The following GRM1 variants were observed in gnomAD, a reference collection of about 807,000 sequenced individuals.
GRM1 encodes the protein metabotropic glutamate receptor 1.
In GRM1, 33 loss-of-function variants were observed where a neutral mutation model predicts 90.9. The ratio of observed to expected loss-of-function variants is 0.36; its 90% CI spans 0.28 to 0.49. The LOEUF (loss-of-function observed/expected upper bound fraction) is 0.49. Among genes scored for constraint, GRM1 ranks in the 20% least tolerant of loss-of-function variants. GRM1 has a pLI of 0.99. For synonymous variants in GRM1, 700 were observed against 613.2 expected (o/e 1.14, Z -2.09); for missense variants, 1,190 against 1,534.3 (o/e 0.78, Z 3.75).
At chr6:146,061,543 G>A (rs1464828535) in intron 1 of GRM1, among the ~76,000 whole-genome samples, 11 of 152,024 alleles carry the variant, frequency 7.2e-5, no homozygotes, top group Admixed American at 5.9e-4. Context: ...CTACAGAATG[G>A]GAGAAAATTC....
chr6:146,313,405 G>T (rs1783841685), intron 3 of GRM1, among the ~76,000 whole-genome samples: 1 of 152,130 alleles, frequency 6.6e-6, no homozygotes, highest in Non-Finnish European at 1.5e-5. Flanking sequence ...TGTTTTCAAT[G>T]ATTAAAATCT....
At chr6:146,236,447 C>T (rs1455655257) in intron 2 of GRM1, among the ~76,000 whole-genome samples, 1 of 152,040 alleles carries the variant, frequency 6.6e-6, no homozygotes, top group African/African-American at 2.4e-5. Context: ...TTGACATTCC[C>T]CTAGGAGTAC....
rs56956724 is a variant in GRM1, at chr6:146,260,804, G to GT, written c.951-43774dup. On this transcript the variant is annotated intron_variant, in intron 2 of 7. Transcript: ENST00000282753. Reference sequence around the variant, plus strand: ...CCCATTTTTTAATTAGGTTATTTGGGTTTTTTTTTTTTTTTTTTTTTTTTT... The same window carrying GT: ...CCCATTTTTTAATTAGGTTATTTGGGTTTTTTTTTTTTTTTTTTTTTTTTTT... Among the ~76,000 whole-genome samples the GT allele has an allele frequency of 4.2e-3, 95 of 22,744 alleles. 6 individuals are homozygous for GT. The highest frequency in any genetic ancestry group is 0.017 in the East Asian group (12 of 692). The allele number at this position is 22,744 out of a possible 152,430, so 14.9% of individuals were successfully genotyped here.
At chr6:146,351,198 C>G (rs1024088314) in intron 3 of GRM1, among the ~76,000 whole-genome samples, 1 of 152,116 alleles carries the variant, frequency 6.6e-6, no homozygotes, top group Non-Finnish European at 1.5e-5. Flanking sequence ...GTGTGAGGAG[C>G]CCCATGTTGT....
chr6:146,357,671 C>A lies in GRM1; in HGVS notation c.1579C>A (p.Pro527Thr), dbSNP rs569951616. The change falls in exon 5 of 8, where the codon CCT (proline) becomes ACT (threonine). Residue 527 changes from proline to threonine, a missense_variant. Around this residue, in one of 10 missense-constraint regions of GRM1, gnomAD observed 414 missense variants for 598.4 expected, o/e 0.69. Coordinates refer to ENST00000282753, the MANE Select transcript of GRM1 (RefSeq NM_001278064.2). The stretch of plus-strand genomic sequence containing the variant: ...AGTGGTGCGGTCTGTGTGCAGTGAG[C>A]CTTGCTTAAAGGGCCAGATTAAGGT... Reference protein sequence around the residue: ...SGVVRSVCSEPCLKGQIKVIR... With the variant: ...SGVVRSVCSETCLKGQIKVIR... The A allele has an allele frequency of 6.2e-7, 1 of 1,613,894 alleles. No individual in the cohort carries two copies. Among genetic ancestry groups the A allele is most frequent in the Non-Finnish European group, 8.5e-7 (1 of 1,179,856 alleles).
intron 5 of GRM1, among the ~76,000 whole-genome samples, chr6:146,358,266 A>G (rs1292478802): frequency 6.6e-6 from 1 of 152,144 alleles, no homozygotes; most frequent in African/African-American, 2.4e-5. Context: ...TAACTATGAC[A>G]TCAGTATATA....
intron 1 of GRM1, among the ~76,000 whole-genome samples, chr6:146,117,475 G>T (rs1775795478): frequency 6.6e-6 from 1 of 151,844 alleles, no homozygotes; most frequent in Non-Finnish European, 1.5e-5. Flanking sequence ...ATAGCTGGAT[G>T]TTTGTTAAGC....
At chr6:146,032,048 T>C (rs1405120571) in intron 1 of GRM1, among the ~76,000 whole-genome samples, 1 of 152,202 alleles carries the variant, frequency 6.6e-6, no homozygotes, top group African/African-American at 2.4e-5. Flanking sequence ...AGGTGGCTAA[T>C]AGTGGGTTGC....
chr6:146,241,004 C>T (rs1390800338), intron 2 of GRM1, among the ~76,000 whole-genome samples: 1 of 152,020 alleles, frequency 6.6e-6, no homozygotes. Flanking sequence ...GGAGGGAAAC[C>T]AGCCTGCAGG....
chr6:146,133,023 G>T (rs762605859), intron 1 of GRM1, among the ~76,000 whole-genome samples: 1 of 152,192 alleles, frequency 6.6e-6, no homozygotes, highest in African/African-American at 2.4e-5. Context: ...GAAGACTAAA[G>T]AGTGGCTTAC....
intron 2 of GRM1, among the ~76,000 whole-genome samples, chr6:146,223,942 A>G (rs1269305167): frequency 6.6e-6 from 1 of 152,070 alleles, no homozygotes; most frequent in Non-Finnish European, 1.5e-5. Flanking sequence ...TGTTCCTTAG[A>G]GCCCAGGCAT....
At chr6:146,425,504 T>G (rs1778164325) in intron 7 of GRM1, among the ~76,000 whole-genome samples, 3 of 145,376 alleles carry the variant, frequency 2.1e-5, no homozygotes, top group Non-Finnish European at 3.1e-5. Flanking sequence ...GCCATTTTGG[T>G]CCTCTTCCAG....
chr6:146,178,495 A>G (rs1469208898), intron 2 of GRM1, among the ~76,000 whole-genome samples: 2 of 152,222 alleles, frequency 1.3e-5, no homozygotes, highest in Non-Finnish European at 1.5e-5. Flanking sequence ...TATGTTTCAT[A>G]TACAACTTAT....
intron 5 of GRM1, among the ~76,000 whole-genome samples, chr6:146,374,030 A>G (rs1011975367): frequency 6.6e-6 from 1 of 152,122 alleles, no homozygotes; most frequent in Non-Finnish European, 1.5e-5. Context: ...ATGTTGAGAT[A>G]TGTTCCTTTT....
intron 3 of GRM1, among the ~76,000 whole-genome samples, chr6:146,341,698 G>T (rs362865): frequency 6.6e-6 from 1 of 152,244 alleles, no homozygotes; most frequent in East Asian, 1.9e-4. Flanking sequence ...GCCCAGAGAT[G>T]CTAAACTCCG....
intron 1 of GRM1, among the ~76,000 whole-genome samples, chr6:146,073,688 A>C (rs965057482): frequency 6.6e-6 from 1 of 152,156 alleles, no homozygotes; most frequent in Non-Finnish European, 1.5e-5. Context: ...AATATGACAA[A>C]AAACTTTACA....
chr6:146,033,988 A>T (rs1790797025), intron 1 of GRM1, among the ~76,000 whole-genome samples: 1 of 152,082 alleles, frequency 6.6e-6, no homozygotes, highest in African/African-American at 2.4e-5. Flanking sequence ...TTATCTTAAT[A>T]CATTGCTCAT....
chr6:146,210,776 A>T (rs1315304625), intron 2 of GRM1, among the ~76,000 whole-genome samples: 1 of 152,104 alleles, frequency 6.6e-6, no homozygotes, highest in African/African-American at 2.4e-5. Context: ...TAGTTCTCCA[A>T]AATAAGGGAG....
intron 1 of GRM1, among the ~76,000 whole-genome samples, chr6:146,132,993 C>G (rs1248962884): frequency 2.0e-5 from 3 of 152,178 alleles, no homozygotes. Flanking sequence ...TCTATGTCCT[C>G]TGGTGATAGT....
Sources: gnomAD v4.1 joint callset for allele counts (sites outside exome capture counted in the v4.1 genomes callset) on GRCh38, gnomAD v4.1.1 for gene constraint, gnomAD v4.1.1 regional missense constraint, MANE v1.5 for transcripts, NCBI Gene and HGNC (gene_info 2026-07-23, HGNC 2026-07-21) for gene names.